GPC5: variants seen among roughly 807,000 people sequenced by gnomAD.
GPC5 encodes the protein glypican 5.
Under a neutral mutation model 53.9 loss-of-function variants are expected in GPC5, and 47 were observed. The observed-to-expected ratio is 0.87, with a 90% CI of 0.69 to 1.11. The LOEUF is 1.11. Among genes scored for constraint, GPC5 ranks in the 50% most tolerant of loss-of-function variants. The probability of loss-of-function intolerance (pLI) is 0.00; values close to 1 mark genes in which losing one functional copy is unlikely to be tolerated. For synonymous variants in GPC5, 286 were observed against 263.3 expected, an observed-to-expected ratio of 1.09 and a Z score of -0.84; for missense variants, 748 against 713.1, an observed-to-expected ratio of 1.05 and a Z score of -0.56.
chr13:91,973,529 G>A (rs1262098533), intron 6 of GPC5, among the ~76,000 whole-genome samples: 2 of 152,198 alleles, frequency 1.3e-5, no homozygotes, highest in African/African-American at 4.8e-5. Context: ...TTCTTTTGGA[G>A]GAGGAGAGGC....
chr13:92,165,330 C>T (rs1052417911), intron 7 of GPC5, among the ~76,000 whole-genome samples: 1 of 152,086 alleles, frequency 6.6e-6, no homozygotes, highest in South Asian at 2.1e-4. Context: ...AAACTGAATG[C>T]TTTTAAGAGT....
intron 7 of GPC5, among the ~76,000 whole-genome samples, chr13:92,525,034 A>T (rs929188675): frequency 1.1e-4 from 17 of 152,100 alleles, no homozygotes; most frequent in Admixed American, 1.1e-3. Flanking sequence ...AAGTTCATGC[A>T]TTGAATTTTG....
intron 2 of GPC5, among the ~76,000 whole-genome samples, chr13:91,611,868 T>C (rs574323330): frequency 1.3e-5 from 2 of 152,300 alleles, no homozygotes; most frequent in Admixed American, 6.5e-5. Flanking sequence ...GACATACACC[T>C]GAACACTGCT....
chr13:91,580,114 A>T (rs2032302320), intron 2 of GPC5, among the ~76,000 whole-genome samples: 1 of 152,090 alleles, frequency 6.6e-6, no homozygotes, highest in Non-Finnish European at 1.5e-5. Flanking sequence ...CCAGTGGCGC[A>T]ATCGCGGCTC....
chr13:91,731,770 G>C (rs1157576686), intron 4 of GPC5, among the ~76,000 whole-genome samples: 1 of 152,178 alleles, frequency 6.6e-6, no homozygotes, highest in Non-Finnish European at 1.5e-5. Context: ...TTAGGAGTGA[G>C]AACATGCGGT....
intron 7 of GPC5, among the ~76,000 whole-genome samples, chr13:92,535,367 G>A (rs960380169): frequency 1.3e-5 from 2 of 152,080 alleles, no homozygotes; most frequent in African/African-American, 4.8e-5. Context: ...AGCAACTATT[G>A]CCAGGGAAGA....
Position 91,616,554 on chromosome 13 carries a change from C to T in GPC5, c.326-76633C>T, listed in dbSNP as rs539351518. On this transcript the variant is annotated intron_variant, in intron 2 of 7. Transcript: ENST00000377067. The stretch of plus-strand genomic sequence containing the variant: ...CTGGTTATCTTATGTTCATTAAGGA[C>T]TTTTATGGCTTGTAATTTTCCCTGC... 3.3e-5 allele frequency among the ~76,000 whole-genome samples: 5 copies of T among 152,132 alleles called. No homozygotes were observed. In the East Asian group the frequency reaches 9.7e-4, roughly 29 times the overall value.
chr13:91,721,125 CT>C (rs1393170931), intron 3 of GPC5, among the ~76,000 whole-genome samples: 2 of 55,386 alleles, frequency 3.6e-5, no homozygotes, highest in Non-Finnish European at 7.8e-5. Flanking sequence ...TTCTTTCTTT[CT>C]TTCTTTCTTT....
chr13:92,162,657 T>C (rs920178030), intron 7 of GPC5, among the ~76,000 whole-genome samples: 4 of 152,236 alleles, frequency 2.6e-5, no homozygotes, highest in Non-Finnish European at 5.9e-5. Flanking sequence ...AATTCCAGAA[T>C]GTTGTTATAT....
intron 7 of GPC5, among the ~76,000 whole-genome samples, chr13:92,229,648 G>T (rs1455372792): frequency 1.3e-5 from 2 of 152,058 alleles, no homozygotes; most frequent in Non-Finnish European, 2.9e-5. Flanking sequence ...GCTTTGAGCT[G>T]CCTGGCCATA....
rs182094778 is a variant in GPC5, at chr13:92,667,002, T to A, written c.1562-199280T>A. ...AAAATGCCACCCTATACTGAAGCATTTCAACAGAATTGGAAACATTATGCA... is the reference window on the plus strand; with the variant it reads ...AAAATGCCACCCTATACTGAAGCATATCAACAGAATTGGAAACATTATGCA... On this transcript the variant is annotated intron_variant, in intron 7 of 7. Coordinates refer to ENST00000377067, the MANE Select transcript of GPC5 (RefSeq NM_004466.6). Among the ~76,000 whole-genome samples, 118 of 152,274 alleles carry A rather than the reference T, an allele frequency of 7.7e-4. 1 individual carries two copies. Among genetic ancestry groups the A allele is most frequent in the African/African-American group, 2.6e-3 (106 of 41,568 alleles).
intron 3 of GPC5, among the ~76,000 whole-genome samples, chr13:91,702,304 C>T (rs898606266): frequency 2.0e-5 from 3 of 152,050 alleles, no homozygotes; most frequent in Non-Finnish European, 4.4e-5. Context: ...GAAGGAATCT[C>T]ATTTGTCTAT....
At chr13:91,450,781 T>C (rs776425105) in intron 2 of GPC5, among the ~76,000 whole-genome samples, 3 of 152,090 alleles carry the variant, frequency 2.0e-5, no homozygotes, top group Non-Finnish European at 4.4e-5. Flanking sequence ...GATTTTTTAA[T>C]AATAAATTAT....
At chr13:92,354,569 C>A (rs536162336) in intron 7 of GPC5, among the ~76,000 whole-genome samples, 1 of 152,078 alleles carries the variant, frequency 6.6e-6, no homozygotes, top group Admixed American at 6.6e-5. Context: ...TTGATGCTGG[C>A]GATTCTTTCT....
chr13:91,962,490 T>C (rs1190067222), intron 6 of GPC5, among the ~76,000 whole-genome samples: 2 of 152,266 alleles, frequency 1.3e-5, no homozygotes, highest in East Asian at 1.9e-4. Context: ...AGAATGTTTT[T>C]ATACATTTTT....
At chr13:92,436,258 C>T (rs1040383147) in intron 7 of GPC5, among the ~76,000 whole-genome samples, 1 of 152,074 alleles carries the variant, frequency 6.6e-6, no homozygotes, top group African/African-American at 2.4e-5. Flanking sequence ...TGGAAAGTCT[C>T]TTAGATTTTA....
intron 2 of GPC5, among the ~76,000 whole-genome samples, chr13:91,525,589 C>A (rs1171306384): frequency 3.9e-5 from 6 of 152,122 alleles, no homozygotes. Context: ...TGTGGCATTT[C>A]CACAGAGGTA....
At chr13:91,832,286 C>T (rs527523017) in intron 5 of GPC5, among the ~76,000 whole-genome samples, 6 of 145,416 alleles carry the variant, frequency 4.1e-5, no homozygotes, top group African/African-American at 1.5e-4. Context: ...AGGATTGCAA[C>T]CATGCTTTTT....
intron 2 of GPC5, among the ~76,000 whole-genome samples, chr13:91,533,239 C>T (rs1401676410): frequency 6.6e-6 from 1 of 152,166 alleles, no homozygotes; most frequent in East Asian, 1.9e-4. Flanking sequence ...CCCAGGTGAG[C>T]TTTCAAAGAC....
Sources: allele counts gnomAD v4.1 joint callset (sites outside exome capture counted in the v4.1 genomes callset), GRCh38; gene constraint gnomAD v4.1.1; transcripts MANE v1.5; gene names NCBI Gene and HGNC (gene_info 2026-07-23, HGNC 2026-07-21).